Variants in HS3ST6 observed in about 807,000 individuals in gnomAD.
HS3ST6 encodes heparan sulfate-glucosamine 3-sulfotransferase 6.
Under a neutral mutation model 11.0 loss-of-function variants are expected in HS3ST6, and 13 were observed. The observed-to-expected ratio is 1.18, with a 90% CI of 0.77 to 1.88. The LOEUF (loss-of-function observed/expected upper bound fraction) is 1.88. HS3ST6 is among the 40% of genes most tolerant of loss of function. The probability of loss-of-function intolerance (pLI) is 0.00; values close to 1 mark genes in which losing one functional copy is unlikely to be tolerated. For synonymous variants in HS3ST6, 232 were observed against 230.6 expected (o/e 1.01, Z -0.06); for missense variants, 541 against 494.4 (o/e 1.09, Z -0.89).
rs1306894868 is a variant in HS3ST6 at position 1,912,812 on chromosome 16, G to A, written c.414-607C>T. On this transcript the variant is annotated intron_variant, in intron 1 of 1. Transcript: ENST00000454677. The surrounding 1 kb of genome is among the most constrained non-coding windows in gnomAD (Gnocchi z 5.6). ...CTTCCCATCTTTATTTATTTTTTGA[G>A]ACGGAGTCTTGCTCTGTCACCCAGG... is the stretch of plus-strand genomic sequence containing the variant. Among the ~76,000 whole-genome samples the A allele has an allele frequency of 2.0e-5, 3 of 152,046 alleles. No homozygotes were observed. Among genetic ancestry groups the A allele is most frequent in the Non-Finnish European group, 4.4e-5 (3 of 68,020 alleles).
chr16:1,915,541 G>T (rs1474921033), intron 1 of HS3ST6, among the ~76,000 whole-genome samples: 1 of 152,208 alleles, frequency 6.6e-6, no homozygotes, highest in East Asian at 1.9e-4. Flanking sequence ...CTCCCAAAGG[G>T]CTGGGATTAC....
chr16:1,912,104 G>A lies in HS3ST6; in HGVS notation c.515C>T (p.Pro172Leu), dbSNP rs529323116. 43 of 1,506,212 alleles carry A rather than the reference G, an allele frequency of 2.9e-5. No homozygotes were observed. Among genetic ancestry groups the A allele is most frequent in the South Asian group, 1.4e-4 (10 of 73,542 alleles). 93.3% of individuals were successfully genotyped at this position (1,506,212 alleles called of 1,614,324 possible). A position where few individuals can be genotyped will look rare whatever the true frequency, so the allele number is the denominator to read the frequency against. Residue 172 changes from proline (P) to leucine (L), a missense_variant, in exon 2 of 2, where the codon CCG becomes CTG. Physicochemically the swap from Pro to Leu is moderately conservative, Grantham distance 98. Transcript: ENST00000454677. This position sits in a 1 kb window ranked among gnomAD's most constrained non-coding sequence, Gnocchi z 5.6. The stretch of plus-strand genomic sequence containing the variant: ...CACCACCACGATCAGCTTCGTGTCC[G>A]GGGACATGGCGTGGATGCGGCGGGG... ...EAPRRIHAMSPDTKLIVVVRN... is the reference protein window; with the variant it reads ...EAPRRIHAMSLDTKLIVVVRN...
chr16:1,913,012 G>A (rs987076505), intron 1 of HS3ST6, among the ~76,000 whole-genome samples: 14 of 152,042 alleles, frequency 9.2e-5, no homozygotes, highest in Admixed American at 7.9e-4. Flanking sequence ...GGCTGGTCTC[G>A]AACTCCTGAC....
At position 1,912,643 on chromosome 16, in the gene HS3ST6, C is replaced by T. The variant is rs1170697719; in HGVS notation, c.414-438G>A. On this transcript the variant is annotated intron_variant, in intron 1 of 1. Coordinates refer to ENST00000454677, the MANE Select transcript of HS3ST6 (RefSeq NM_001009606.4). This position sits in a 1 kb window ranked among gnomAD's most constrained non-coding sequence, Gnocchi z 5.6. The stretch of plus-strand genomic sequence containing the variant: ...ATCCCAGACCAAGTACCCCGAGGCC[C>T]GCCCGCCTAGATCACTTGAGGTCAC... Among the ~76,000 whole-genome samples the T allele has an allele frequency of 6.6e-6, 1 of 152,106 alleles. No homozygotes were observed. The highest frequency in any genetic ancestry group is 2.4e-5 in the African/African-American group (1 of 41,412).
intron 1 of HS3ST6, among the ~76,000 whole-genome samples, chr16:1,917,424 C>A (rs575448303): frequency 6.6e-6 from 1 of 152,300 alleles, no homozygotes; most frequent in African/African-American, 2.4e-5. Flanking sequence ...CCAGGACCAC[C>A]AACAAGGGTT....
chr16:1,918,891 G>C (rs998521478), upstream of HS3ST6, among the ~76,000 whole-genome samples: 6 of 152,208 alleles, frequency 3.9e-5, no homozygotes, highest in African/African-American at 1.4e-4. This position sits in a 1 kb window ranked among gnomAD's most constrained non-coding sequence, Gnocchi z 6.0. Context: ...AAGGGAGAAA[G>C]AGGCCGGGAC....
chr16:1,911,559 A>G lies in HS3ST6; in HGVS notation c.*31T>C, dbSNP rs1414443727. 6.4e-6 allele frequency: 10 copies of G among 1,553,836 alleles called. No individual in the cohort carries two copies. The highest frequency in any genetic ancestry group is 1.2e-5 in the South Asian group (1 of 84,192). ...GCTCTGGCCAGGCGAGCGGGTGTCA[A>G]TCAAGGTGCTGAGCATCCCCAGGGT... is the stretch of plus-strand genomic sequence containing the variant. On this transcript the variant is annotated 3_prime_UTR_variant, in exon 2 of 2. Transcript: ENST00000454677.
At position 1,911,720 on chromosome 16, in the gene HS3ST6, C is replaced by A; in HGVS notation, c.899G>T (p.Cys300Phe). ...TGGCCGGCCCTTGGACTTGCCCAGGCAGCGGGGACGGCTGCCGCCCTGGGC... is the reference window on the plus strand; with the variant it reads ...TGGCCGGCCCTTGGACTTGCCCAGGAAGCGGGGACGGCTGCCGCCCTGGGC... ...KKAQGGSRPR[C>F]LGKSKGRPHP... The change falls in exon 2 of 2, where the codon TGC (cysteine) becomes TTC (phenylalanine). Residue 300 changes from cysteine to phenylalanine, a missense_variant. Transcript: ENST00000454677. The A allele has an allele frequency of 1.9e-6, 3 of 1,612,704 alleles. No individual in the cohort carries two copies. The highest frequency in any genetic ancestry group is 2.5e-6 in the Non-Finnish European group (3 of 1,179,298).
chr16:1,913,298 C>A (rs1440326115), intron 1 of HS3ST6, among the ~76,000 whole-genome samples: 1 of 152,134 alleles, frequency 6.6e-6, no homozygotes, highest in Non-Finnish European at 1.5e-5. Flanking sequence ...AGGGAGGGGG[C>A]CTTTCTGAGA....
In HS3ST6 at chr16:1,911,974, G is replaced by C. The variant is rs371371264; in HGVS notation, c.645C>G (p.Pro215=). Residue 215 remains proline (P), a synonymous_variant, in exon 2 of 2, where the codon CCC becomes CCG. Transcript: ENST00000454677. ...GGACGGCGCTCCAGGCTGTGTCCAC[G>C]GGGCCCAGGCCGTGGCGGAAGGCCA... ...RALAFRHGLG[P]VDTAWSAVRI... 60 of 1,556,376 alleles carry C rather than the reference G, an allele frequency of 3.9e-5. No homozygotes were observed. In the African/African-American group the frequency reaches 4.6e-4, roughly 12 times the overall value.
upstream of HS3ST6, among the ~76,000 whole-genome samples, chr16:1,920,400 T>TCTCAGCCATCCCCGTGGTC (rs2082957615): frequency 1.9e-5 from 1 of 52,088 alleles, no homozygotes. Context: ...TCCCCACAGG[T>TCTCAGCCATCCCCGTGGTC]TCAGCAGTCC....
At chr16:1,916,336 C>A (rs911027502) in intron 1 of HS3ST6, among the ~76,000 whole-genome samples, 1 of 152,108 alleles carries the variant, frequency 6.6e-6, no homozygotes, top group Non-Finnish European at 1.5e-5. Context: ...CACCCCTCCC[C>A]CTTCTAAAAA....
rs200236512 is a variant in HS3ST6, at chr16:1,912,078, G to A, written c.541C>T (p.Arg181Trp). 126 of 1,512,592 alleles carry A rather than the reference G, an allele frequency of 8.3e-5. No homozygotes were observed. The highest frequency in any genetic ancestry group is 1.0e-4 in the Non-Finnish European group (116 of 1,132,566). The allele number at this position is 1,512,592 out of a possible 1,614,324, so 93.7% of individuals were successfully genotyped here. The part of the protein sequence containing the change: ...SPDTKLIVVV[R>W]NPVTRAISDY... The stretch of plus-strand genomic sequence containing the variant: ...GAGATGGCCCGGGTCACGGGGTTCC[G>A]CACCACCACGATCAGCTTCGTGTCC... Residue 181 changes from arginine (R) to tryptophan (W), a missense_variant, in exon 2 of 2, where the codon CGG (arginine) becomes TGG (tryptophan). Physicochemically the swap from Arg to Trp is moderately radical, Grantham distance 101 (BLOSUM62 -3). Coordinates refer to ENST00000454677, the MANE Select transcript of HS3ST6 (RefSeq NM_001009606.4). The surrounding 1 kb of genome is among the most constrained non-coding windows in gnomAD (Gnocchi z 5.6).
rs779420578 is a variant in HS3ST6 at position 1,911,816 on chromosome 16, C to T, written c.803G>A (p.Gly268Asp). Residue 268 changes from glycine (G) to aspartate (D), a missense_variant, in exon 2 of 2, where the codon GGC becomes GAC. Coordinates refer to ENST00000454677, the MANE Select transcript of HS3ST6 (RefSeq NM_001009606.4). ...CTTGTCCGTGACGACCCGTTTCAGGCCCAGGAAGTCCTGCACGCGGCCGAC... is the reference window on the plus strand; with the variant it reads ...CTTGTCCGTGACGACCCGTTTCAGGTCCAGGAAGTCCTGCACGCGGCCGAC... ...GEVGRVQDFL[G>D]LKRVVTDKHF... The T allele has an allele frequency of 1.2e-5, 20 of 1,613,668 alleles. No individual in the cohort carries two copies. The highest frequency in any genetic ancestry group is 1.4e-5 in the Non-Finnish European group (17 of 1,179,800).
chr16:1,917,776 A>T (rs897898352), intron 1 of HS3ST6, 135 bp downstream of exon 1: 1 of 561,660 alleles, frequency 1.8e-6, no homozygotes, highest in East Asian at 3.6e-5. Flanking sequence ...GGGCCCCCAC[A>T]GGGCGGTCCC....
At chr16:1,915,671 C>T (rs931444421) in intron 1 of HS3ST6, among the ~76,000 whole-genome samples, 1 of 152,236 alleles carries the variant, frequency 6.6e-6, no homozygotes, top group East Asian at 1.9e-4. Context: ...GGGGAGTCTG[C>T]GTGACCCCCA....
At chr16:1,919,313 G>A (rs78837086), upstream of HS3ST6, among the ~76,000 whole-genome samples, 4,735 of 152,300 alleles carry the variant, frequency 0.031, 236 homozygotes, top group African/African-American at 0.1. Flanking sequence ...TCTGAGGGGC[G>A]TGAGATTCAG....
upstream of HS3ST6, among the ~76,000 whole-genome samples, chr16:1,919,260 G>C (rs527934681): frequency 6.6e-5 from 10 of 152,338 alleles, no homozygotes; most frequent in South Asian, 2.1e-3. Context: ...GGACCCCTGT[G>C]CTGGGGAAGA....
Position 1,918,360 on chromosome 16 carries a change from C to A in HS3ST6, c.-37G>T. On this transcript the variant is annotated 5_prime_UTR_variant, in exon 1 of 2. Coordinates refer to ENST00000454677, the MANE Select transcript of HS3ST6 (RefSeq NM_001009606.4). This position sits in a 1 kb window ranked among gnomAD's most constrained non-coding sequence, Gnocchi z 6.0. The stretch of plus-strand genomic sequence containing the variant: ...GCTCCAGGCCCGGGAGCGGGGGCAG[C>A]AGGCGGGCGCGCATCTCGGCCCGCG... 1 of 264,108 alleles carries A rather than the reference C, an allele frequency of 3.8e-6. No homozygotes were observed. The highest frequency in any genetic ancestry group is 5.9e-6 in the Non-Finnish European group (1 of 168,912). The allele number at this position is 264,108 out of a possible 1,614,324, so 16.4% of individuals were successfully genotyped here. A position where few individuals can be genotyped will look rare whatever the true frequency, so the allele number is the denominator to read the frequency against.
Sources: gnomAD v4.1 joint callset for allele counts (sites outside exome capture counted in the v4.1 genomes callset) on GRCh38, gnomAD v4.1.1 for gene constraint, Gnocchi (gnomAD v3.1) non-coding constraint, MANE v1.5 for transcripts, NCBI Gene and HGNC (gene_info 2026-07-23, HGNC 2026-07-21) for gene names.